Variants in NOVA1 observed in about 807,000 individuals in gnomAD.
NOVA1 encodes the protein RNA-binding protein Nova-1.
Under a neutral mutation model 38.0 loss-of-function variants are expected in NOVA1, and 7 were observed. The observed-to-expected ratio is 0.18, with a 90% CI of 0.10 to 0.35. The LOEUF is 0.35. NOVA1 is among the 10% of genes least tolerant of loss of function. The probability of loss-of-function intolerance (pLI) is 1.00; values close to 1 mark genes in which losing one functional copy is unlikely to be tolerated. For missense variants in NOVA1, 460 were observed against 616.0 expected, an observed-to-expected ratio of 0.75 and a Z score of 2.68; for synonymous variants, 270 against 232.5, an observed-to-expected ratio of 1.16 and a Z score of -1.47.
intron 2 of NOVA1, among the ~76,000 whole-genome samples, chr14:26,524,562 C>T (rs112879790): frequency 1.3e-5 from 2 of 152,274 alleles, no homozygotes; most frequent in African/African-American, 4.8e-5. Flanking sequence ...GGGCTTTCTT[C>T]AATCACCTTA....
intron 2 of NOVA1, among the ~76,000 whole-genome samples, chr14:26,524,397 T>C (rs1889146288): frequency 6.6e-6 from 1 of 152,142 alleles, no homozygotes; most frequent in South Asian, 2.1e-4. Context: ...TAAGTTCACA[T>C]AGAACAATGT....
chr14:26,569,440 T>C (rs916686606), intron 2 of NOVA1, among the ~76,000 whole-genome samples: 4 of 152,228 alleles, frequency 2.6e-5, no homozygotes, highest in Admixed American at 6.5e-5. Context: ...TGATTTACAA[T>C]ATGCATTTAT....
intron 2 of NOVA1, among the ~76,000 whole-genome samples, chr14:26,565,413 T>A (rs987527851): frequency 6.6e-6 from 1 of 152,162 alleles, no homozygotes; most frequent in African/African-American, 2.4e-5. Flanking sequence ...AGATGACTCT[T>A]CTGTTCTCTT....
intron 4 of NOVA1, among the ~76,000 whole-genome samples, chr14:26,451,323 AT>A (rs1275680825): frequency 6.6e-6 from 1 of 152,112 alleles, no homozygotes. Context: ...AAAAAACAAT[AT>A]ATTTTTCCTT....
chr14:26,461,786 AT>A (rs1183084678), intron 4 of NOVA1, among the ~76,000 whole-genome samples: 2 of 149,210 alleles, frequency 1.3e-5, no homozygotes, highest in Non-Finnish European at 3.0e-5. Context: ...AAAAAAAAAA[AT>A]TTGCCAGGCA....
At chr14:26,572,873 G>A (rs1430489540) in intron 2 of NOVA1, among the ~76,000 whole-genome samples, 1 of 151,748 alleles carries the variant, frequency 6.6e-6, no homozygotes, top group East Asian at 1.9e-4. Context: ...TTTAGGGTAA[G>A]GTAATTTACA....
chr14:26,451,692 A>T (rs935863462), intron 4 of NOVA1, among the ~76,000 whole-genome samples: 1 of 152,218 alleles, frequency 6.6e-6, no homozygotes, highest in African/African-American at 2.4e-5. Flanking sequence ...ATAATATATA[A>T]TTTAAAATAG....
rs1894279216 is a variant in NOVA1, at chr14:26,597,507, C to CTTTTTTTTTTTTTTTTTTCT, written c.-72_-71insAGAAAAAAAAAAAAAAAAAA. ...GTTTTGGCTTTTTCTTTTCTTTTTTCTTTTTTTTTTTTTTTTTTTTTTGCG... is the reference window on the plus strand; with the variant it reads ...GTTTTGGCTTTTTCTTTTCTTTTTTCTTTTTTTTTTTTTTTTTTCTTTTTTTTTTTTTTTTTTTTTTTGCG... On this transcript the variant is annotated 5_prime_UTR_variant, in exon 1 of 5. Transcript: ENST00000539517. 1.6e-6 allele frequency: 1 copy of CTTTTTTTTTTTTTTTTTTCT among 638,022 alleles called. No homozygotes were observed. Among genetic ancestry groups the CTTTTTTTTTTTTTTTTTTCT allele is most frequent in the Non-Finnish European group, 1.8e-6 (1 of 554,570 alleles). 39.5% of individuals were successfully genotyped at this position (638,022 alleles called of 1,614,324 possible). A position where few individuals can be genotyped will look rare whatever the true frequency, so the allele number is the denominator to read the frequency against.
At chr14:26,589,438 T>C (rs1336002646) in intron 2 of NOVA1, among the ~76,000 whole-genome samples, 2 of 151,788 alleles carry the variant, frequency 1.3e-5, no homozygotes, top group Non-Finnish European at 3.0e-5. Flanking sequence ...TGTAATTAAA[T>C]GTGGGAAACA....
intron 4 of NOVA1, among the ~76,000 whole-genome samples, chr14:26,462,121 G>T (rs923657009): frequency 6.6e-6 from 1 of 151,596 alleles, no homozygotes; most frequent in African/African-American, 2.4e-5. Context: ...AGTGTTTATA[G>T]TCTACAGCAG....
At chr14:26,529,882 C>G (rs145986154) in intron 2 of NOVA1, among the ~76,000 whole-genome samples, 210 of 152,244 alleles carry the variant, frequency 1.4e-3, no homozygotes, top group African/African-American at 4.6e-3. Context: ...ATACTTTTAG[C>G]TTCCCCTCCT....
chr14:26,595,879 C>T, intron 1 of NOVA1: 1 of 355,128 alleles, frequency 2.8e-6, no homozygotes, highest in South Asian at 2.5e-5. Flanking sequence ...CTATCTGTGG[C>T]AAAATGAAAT....
intron 4 of NOVA1, among the ~76,000 whole-genome samples, chr14:26,449,931 T>C (rs956056996): frequency 9.2e-5 from 14 of 152,142 alleles, no homozygotes; most frequent in Non-Finnish European, 1.2e-4. Flanking sequence ...AAAATTATTA[T>C]AAGAAATATC....
intron 2 of NOVA1, among the ~76,000 whole-genome samples, chr14:26,485,286 T>A (rs887479681): frequency 1.3e-5 from 2 of 152,134 alleles, no homozygotes; most frequent in East Asian, 1.9e-4. Context: ...AAGGCCTTTT[T>A]TATCTACAAA....
intron 2 of NOVA1, among the ~76,000 whole-genome samples, chr14:26,546,372 T>C (rs1890789101): frequency 1.3e-5 from 2 of 152,120 alleles, no homozygotes; most frequent in South Asian, 4.1e-4. Flanking sequence ...TAAAATTTGT[T>C]CAGATAAATC....
Position 26,447,905 on chromosome 14 carries a change from C to T in NOVA1, c.*54G>A. The T allele has an allele frequency of 6.9e-7, 1 of 1,444,444 alleles. No homozygotes were observed. Among genetic ancestry groups the T allele is most frequent in the South Asian group, 1.2e-5 (1 of 84,804 alleles). 89.5% of individuals were successfully genotyped at this position (1,444,444 alleles called of 1,614,324 possible). Reference sequence around the variant, plus strand: ...CTTCTGCAAAGTACAGTACATCCTTCTTGAAAATGGGGTAAAGGAGGGGTT... The same window carrying T: ...CTTCTGCAAAGTACAGTACATCCTTTTTGAAAATGGGGTAAAGGAGGGGTT... On this transcript the variant is annotated 3_prime_UTR_variant, in exon 5 of 5. Transcript: ENST00000539517.
Position 26,493,623 on chromosome 14 carries a change from C to T in NOVA1, c.281-13480G>A, listed in dbSNP as rs193296768. On this transcript the variant is annotated intron_variant, in intron 2 of 4. Coordinates refer to ENST00000539517, the MANE Select transcript of NOVA1 (RefSeq NM_002515.3). The stretch of plus-strand genomic sequence containing the variant: ...CTGGACTGTCTTCTGACTTCTAATA[C>T]ACTTGAAGACAGATCCTTGGACTCC... Among the ~76,000 whole-genome samples, 146 of 152,260 alleles carry T rather than the reference C, an allele frequency of 9.6e-4. 1 individual carries two copies. The highest frequency in any genetic ancestry group is 1.9e-3 in the Non-Finnish European group (131 of 68,016).
chr14:26,551,625 C>T (rs1446864983), intron 2 of NOVA1, among the ~76,000 whole-genome samples: 1 of 151,966 alleles, frequency 6.6e-6, no homozygotes, highest in Non-Finnish European at 1.5e-5. Context: ...GGAATAGAGT[C>T]AGATATAATA....
chr14:26,537,520 A>G (rs996670595), intron 2 of NOVA1, among the ~76,000 whole-genome samples: 1 of 152,170 alleles, frequency 6.6e-6, no homozygotes. Flanking sequence ...ATAAAAAGCC[A>G]TAAGCAAAAA....
Sources: allele counts gnomAD v4.1 joint callset (sites outside exome capture counted in the v4.1 genomes callset), GRCh38; gene constraint gnomAD v4.1.1; transcripts MANE v1.5; gene names NCBI Gene and HGNC (gene_info 2026-07-23, HGNC 2026-07-21).